The following UBR4 variants were observed in gnomAD, a reference collection of about 807,000 sequenced individuals.
The protein encoded by UBR4 is ubiquitin protein ligase E3 component n-recognin 4, also known as E3 ubiquitin-protein ligase UBR4.
A neutral mutation model predicts 575.6 loss-of-function variants in UBR4; 124 were observed. The ratio of observed to expected loss-of-function variants is 0.22; its 90% CI spans 0.19 to 0.25. UBR4 has a LOEUF of 0.25. Ranked by LOEUF, UBR4 falls within the 10% of genes least tolerant of loss-of-function variation. The pLI is 1.00. For synonymous variants in UBR4, 2,455 were observed against 2,473.7 expected (o/e 0.99, Z 0.22); for missense variants, 4,818 against 6,478.8 (o/e 0.74, Z 8.80).
intron 17 of UBR4, among the ~76,000 whole-genome samples, chr1:19,182,832 C>T (rs933993043): frequency 1.3e-5 from 2 of 152,182 alleles, no homozygotes; most frequent in Admixed American, 6.5e-5. Flanking sequence ...ACATTACATA[C>T]AGCATGATGT....
intron 18 of UBR4, 73 bp downstream of exon 18, chr1:19,178,978 T>A (rs754992655): frequency 2.0e-5 from 31 of 1,556,690 alleles, no homozygotes; most frequent in Non-Finnish European, 2.5e-5. Context: ...AGCCACAGAT[T>A]AACTACAAAG....
At position 19,086,249 on chromosome 1, in the gene UBR4, C is replaced by T. The variant is rs746181828; in HGVS notation, c.14709G>A (p.Glu4903=). The T allele has an allele frequency of 1.9e-6, 3 of 1,613,234 alleles. No homozygotes were observed. Among genetic ancestry groups the T allele is most frequent in the South Asian group, 2.2e-5 (2 of 91,052 alleles). ...CATTCTGCAGGGCGGCACTCTCCCA[C>T]TCTTCCCGGCCTCGAGCCAACCTGG... ...AAVRLARGRE[E]WESAALQNAN... is the part of the protein sequence containing the mutation. Residue 4903 remains glutamate (E), a synonymous_variant, in exon 101 of 106, where the codon GAG becomes GAA. Transcript: ENST00000375254.
chr1:19,115,394 T>C lies in UBR4; in HGVS notation c.11063+4A>G, dbSNP rs1462157200. On this transcript the variant is annotated splice_donor_region_variant and intron_variant, in intron 74 of 105. Coordinates refer to ENST00000375254, the MANE Select transcript of UBR4 (RefSeq NM_020765.3). ...CCTGGCCTAGGGGATGACCAATGAC[T>C]TACCTGCATTTGTGACACTGGTACA... 1 of 1,613,732 alleles carries C rather than the reference T, an allele frequency of 6.2e-7. No individual in the cohort carries two copies. Among genetic ancestry groups the C allele is most frequent in the African/African-American group, 1.3e-5 (1 of 74,928 alleles).
At chr1:19,189,150 T>C (rs1391193558) in intron 11 of UBR4, among the ~76,000 whole-genome samples, 1 of 151,842 alleles carries the variant, frequency 6.6e-6, no homozygotes, top group Non-Finnish European at 1.5e-5. Context: ...TTCTCTCCTC[T>C]AAGACAAGCA....
Position 19,100,366 on chromosome 1 carries a change from T to C in UBR4, c.13221+10A>G, listed in dbSNP as rs752754231. The stretch of plus-strand genomic sequence containing the variant: ...CGTAAACGTGGGCAGCACTGTCCTA[T>C]GGTCATTACCTCCATGCCACTGTCA... On this transcript the variant is annotated intron_variant, in intron 89 of 105. Transcript: ENST00000375254. The surrounding 1 kb of genome is among the most constrained non-coding windows in gnomAD (Gnocchi z 4.2). 35 of 1,613,870 alleles carry C rather than the reference T, an allele frequency of 2.2e-5. No individual in the cohort carries two copies. The highest frequency in any genetic ancestry group is 2.5e-5 in the Non-Finnish European group (30 of 1,180,024).
At chr1:19,184,210 G>T (rs760282177) in intron 15 of UBR4, 35 bp from the exon 16 acceptor site, 1 of 1,600,728 alleles carries the variant, frequency 6.2e-7, no homozygotes, top group Non-Finnish European at 8.5e-7. Context: ...CTCTTATCAG[G>T]GTCATAAGCC....
In UBR4 at chr1:19,157,314, C is replaced by G. The variant is rs12038294; in HGVS notation, c.5761-389G>C. On this transcript the variant is annotated intron_variant, in intron 40 of 105. Transcript: ENST00000375254. This position sits in a 1 kb window ranked among gnomAD's most constrained non-coding sequence, Gnocchi z 4.4. Reference sequence around the variant, plus strand: ...AACAACATTAGTGGTGATGGAGAGGCCAGAATACAGAAAAGTGTGAGTTAA... The same window carrying G: ...AACAACATTAGTGGTGATGGAGAGGGCAGAATACAGAAAAGTGTGAGTTAA... Among the ~76,000 whole-genome samples, 3 of 152,184 alleles carry G rather than the reference C, an allele frequency of 2.0e-5. No homozygotes were observed. Among genetic ancestry groups the G allele is most frequent in the Admixed American group, 6.5e-5 (1 of 15,268 alleles).
chr1:19,148,745 T>C, intron 49 of UBR4, 119 bp from the exon 50 acceptor site: 2 of 1,084,526 alleles, frequency 1.8e-6, no homozygotes, highest in Non-Finnish European at 1.4e-6. Flanking sequence ...AAATACAAAA[T>C]CAAAGCACAA....
At chr1:19,143,235 GC>G (rs2084234623) in intron 55 of UBR4, among the ~76,000 whole-genome samples, 1 of 92,392 alleles carries the variant, frequency 1.1e-5, no homozygotes, top group Non-Finnish European at 2.3e-5. Flanking sequence ...AGGAAGGAAG[GC>G]AGGAAGGAAG....
In UBR4 at chr1:19,183,840, T is replaced by G. The variant is rs778996006; in HGVS notation, c.2155A>C (p.Thr719Pro). The G allele has an allele frequency of 3.7e-6, 6 of 1,614,024 alleles. No homozygotes were observed. In the Admixed American group the frequency reaches 5.0e-5, roughly 13 times the overall value. The change falls in exon 17 of 106, where the codon ACC becomes CCC. Residue 719 changes from threonine (T) to proline (P), a missense_variant. By Grantham distance (38) the Thr-to-Pro change is conservative (BLOSUM62 -1). Coordinates refer to ENST00000375254, the MANE Select transcript of UBR4 (RefSeq NM_020765.3). Reference sequence around the variant, plus strand: ...AGGTTAGGTGACTGAAGGTCAGAGGTTACCAGTGAGTGGTTGAAGTGATAG... The same window carrying G: ...AGGTTAGGTGACTGAAGGTCAGAGGGTACCAGTGAGTGGTTGAAGTGATAG... ...ALYHFNHSLV[T>P]SDLQSPNLQN...
chr1:19,193,309 T>C, intron 9 of UBR4, 124 bp downstream of exon 9: 2 of 1,347,736 alleles, frequency 1.5e-6, no homozygotes, highest in South Asian at 1.4e-5. Context: ...GACCTACTAG[T>C]GCCCAGGGAA....
Position 19,074,811 on chromosome 1 carries a change from G to A in UBR4, c.*21C>T, listed in dbSNP as rs778429117. The A allele has an allele frequency of 9.0e-5, 145 of 1,613,422 alleles. 1 individual carries two copies. The South Asian group carries it at 9.5e-4, about 11-fold the overall frequency. ...AAGGCAAGCCAGCTTCGTCTTCGCC[G>A]CCGCAGCTGCTGTGTGGTGGTCAGG... On this transcript the variant is annotated 3_prime_UTR_variant, in exon 106 of 106. Coordinates refer to ENST00000375254, the MANE Select transcript of UBR4 (RefSeq NM_020765.3).
chr1:19,088,580 C>T lies in UBR4; in HGVS notation c.14430+179G>A, dbSNP rs2148762131. ...ACTTCGTAAGTCACTTACTCCGAGT[C>T]TCATCTGTATGATAGAACGATAGTA... On this transcript the variant is annotated intron_variant, in intron 98 of 105. Coordinates refer to ENST00000375254, the MANE Select transcript of UBR4 (RefSeq NM_020765.3). The surrounding 1 kb of genome is among the most constrained non-coding windows in gnomAD (Gnocchi z 4.0). Among the ~76,000 whole-genome samples the T allele has an allele frequency of 1.3e-5, 2 of 152,342 alleles. No homozygotes were observed. Among genetic ancestry groups the T allele is most frequent in the Middle Eastern group, 3.4e-3 (1 of 294 alleles).
chr1:19,170,437 G>A (rs568093328), intron 26 of UBR4, among the ~76,000 whole-genome samples: 1 of 152,262 alleles, frequency 6.6e-6, no homozygotes, highest in African/African-American at 2.4e-5. Flanking sequence ...GGGGAGGAGA[G>A]CAAAGATCTG....
rs1438969081 is a variant in UBR4, at chr1:19,128,222, T to C, written c.9100A>G (p.Met3034Val). Residue 3034 changes from methionine (M) to valine (V), a missense_variant, in exon 62 of 106, where the codon ATG (methionine) becomes GTG (valine). Physicochemically the swap from Met to Val is conservative, Grantham distance 21. Coordinates refer to ENST00000375254, the MANE Select transcript of UBR4 (RefSeq NM_020765.3). ...LLSQLIAELG[M>V]DKKDVSKKNE... ...CTCTCAGATTTTACCTTTTTATCCA[T>C]ACCCAACTCAGCAATAAGCTGGGAG... 2 of 1,613,958 alleles carry C rather than the reference T, an allele frequency of 1.2e-6. No individual in the cohort carries two copies. Among genetic ancestry groups the C allele is most frequent in the Middle Eastern group, 1.7e-4 (1 of 6,058 alleles).
At chr1:19,104,026 A>C (rs1570507558) in intron 87 of UBR4, 58 bp downstream of exon 87, 1 of 1,574,078 alleles carries the variant, frequency 6.4e-7, no homozygotes, top group Non-Finnish European at 8.6e-7. Flanking sequence ...GGTCGAATGC[A>C]CCTCGGCAGC....
chr1:19,124,722 G>A, intron 64 of UBR4, 32 bp from the exon 65 acceptor site: 1 of 1,598,964 alleles, frequency 6.3e-7, no homozygotes, highest in Non-Finnish European at 8.5e-7. Context: ...GAGAACCTGT[G>A]ACTATCGATT....
Position 19,155,600 on chromosome 1 carries a change from T to C in UBR4, c.6141A>G (p.Arg2047=), listed in dbSNP as rs2086329397. 1 of 1,614,164 alleles carries C rather than the reference T, an allele frequency of 6.2e-7. No individual in the cohort carries two copies. The highest frequency in any genetic ancestry group is 8.5e-7 in the Non-Finnish European group (1 of 1,180,016). Residue 2047 remains arginine (R), a synonymous_variant, in exon 43 of 106, where the codon AGA becomes AGG. Transcript: ENST00000375254. The stretch of plus-strand genomic sequence containing the variant: ...CCTCATTGAAAAGGAAGGTAACATC[T>C]CTTATCTTTGAGCTTGGCAGGAGAA... ...FYFLLPSSKI[R]DVTFLFNEEG...
Position 19,153,042 on chromosome 1 carries a change from C to T in UBR4, c.6832+259G>A, listed in dbSNP as rs1009912720. Among the ~76,000 whole-genome samples, 2 of 152,212 alleles carry T rather than the reference C, an allele frequency of 1.3e-5. No homozygotes were observed. The highest frequency in any genetic ancestry group is 2.9e-5 in the Non-Finnish European group (2 of 68,026). ...TCTTCAGGGAAGTCATTCTCCTAAACCTAGAGAGAACAATCTCTCAAATAA... is the reference window on the plus strand; with the variant it reads ...TCTTCAGGGAAGTCATTCTCCTAAATCTAGAGAGAACAATCTCTCAAATAA... On this transcript the variant is annotated intron_variant, in intron 46 of 105. Coordinates refer to ENST00000375254, the MANE Select transcript of UBR4 (RefSeq NM_020765.3). This position sits in a 1 kb window ranked among gnomAD's most constrained non-coding sequence, Gnocchi z 4.1.
Sources: gnomAD v4.1 joint callset for allele counts (sites outside exome capture counted in the v4.1 genomes callset) on GRCh38, gnomAD v4.1.1 for gene constraint, Gnocchi (gnomAD v3.1) non-coding constraint, MANE v1.5 for transcripts, NCBI Gene and HGNC (gene_info 2026-07-23, HGNC 2026-07-21) for gene names.